The following PLEKHD1 variants were observed in gnomAD, a reference collection of about 807,000 sequenced individuals.
PLEKHD1 encodes the protein pleckstrin homology and coiled-coil domain containing D1.
PLEKHD1 carries 51 observed loss-of-function variants against 69.2 expected under a neutral mutation model. That is an observed-to-expected ratio of 0.74 (90% confidence interval 0.59 to 0.93). The LOEUF (loss-of-function observed/expected upper bound fraction) is 0.93, where lower values mean the gene tolerates loss of function less well. PLEKHD1 is among the 40% of genes least tolerant of loss of function. The pLI is 0.00. For missense variants in PLEKHD1, 584 were observed against 641.0 expected, an observed-to-expected ratio of 0.91 and a Z score of 0.96; for synonymous variants, 236 against 244.7, an observed-to-expected ratio of 0.96 and a Z score of 0.33.
chr14:69,492,079 G>A lies in PLEKHD1; in HGVS notation c.149+6965G>A, dbSNP rs138902127. ...GGAAGAAGTCCAGCGTCTTCACAAG[G>A]ACTACTCACTCTGCCCCGCTCTGTC... On this transcript the variant is annotated intron_variant, in intron 1 of 12. Transcript: ENST00000322564. Among the ~76,000 whole-genome samples the A allele has an allele frequency of 9.8e-3, 1,496 of 152,174 alleles. 15 individuals are homozygous for A. The highest frequency in any genetic ancestry group is 0.015 in the Non-Finnish European group (1,018 of 68,002).
chr14:69,485,898 G>GCGGACAT (rs1882645554), intron 1 of PLEKHD1, among the ~76,000 whole-genome samples: 1 of 152,190 alleles, frequency 6.6e-6, no homozygotes, highest in Non-Finnish European at 1.5e-5. Context: ...ACGCGACTCC[G>GCGGACAT]CGGACATCGG....
intron 6 of PLEKHD1, among the ~76,000 whole-genome samples, chr14:69,504,704 T>C (rs1035280392): frequency 6.6e-6 from 1 of 152,192 alleles, no homozygotes; most frequent in African/African-American, 2.4e-5. Flanking sequence ...ATTTCATTGA[T>C]TAAAGAGAAA....
chr14:69,496,017 C>T (rs187351168), intron 1 of PLEKHD1, among the ~76,000 whole-genome samples: 1 of 152,362 alleles, frequency 6.6e-6, no homozygotes. Context: ...GTGCTTGGCA[C>T]ACAGTGGCAA....
chr14:69,504,153 CAT>C (rs1224572813), intron 6 of PLEKHD1, among the ~76,000 whole-genome samples: 1 of 152,220 alleles, frequency 6.6e-6, no homozygotes, highest in Non-Finnish European at 1.5e-5. Flanking sequence ...GTGTTTGGCA[CAT>C]AGTACATGCT....
At chr14:69,496,126 A>C (rs1594976558) in intron 1 of PLEKHD1, among the ~76,000 whole-genome samples, 1 of 152,172 alleles carries the variant, frequency 6.6e-6, no homozygotes, top group African/African-American at 2.4e-5. Flanking sequence ...AGGCTTAGTA[A>C]GGCTGGGAGT....
intron 6 of PLEKHD1, among the ~76,000 whole-genome samples, chr14:69,505,444 G>T (rs1173165352): frequency 6.6e-6 from 1 of 152,190 alleles, no homozygotes; most frequent in Non-Finnish European, 1.5e-5. Context: ...TTGATGTAAT[G>T]GCCTAGTGAT....
At position 69,500,595 on chromosome 14, in the gene PLEKHD1, G is replaced by A. The variant is rs1594979323; in HGVS notation, c.262G>A (p.Gly88Ser). 1 of 1,550,782 alleles carries A rather than the reference G, an allele frequency of 6.4e-7. No individual in the cohort carries two copies. The highest frequency in any genetic ancestry group is 8.7e-7 in the Non-Finnish European group (1 of 1,146,572). Residue 88 changes from glycine to serine, a missense_variant, in exon 3 of 13, where the codon GGC (glycine) becomes AGC (serine). Transcript: ENST00000322564. ...TCCTCAGGGCGTCATCCCTCTGGGG[G>A]GCTGCCTGGTGGAGCCCAAGGAAGA... ...IHPKGVIPLG[G>S]CLVEPKEEPS...
intron 1 of PLEKHD1, among the ~76,000 whole-genome samples, chr14:69,491,829 G>T (rs116573290): frequency 0.013 from 1,981 of 152,246 alleles, 30 homozygotes; most frequent in African/African-American, 0.039. Context: ...ATATTGGATG[G>T]CACCTGTGCC....
At chr14:69,527,392 C>T (rs527885201) in intron 11 of PLEKHD1, 60 bp downstream of exon 11, 70 of 1,546,376 alleles carry the variant, frequency 4.5e-5, no homozygotes, top group African/African-American at 9.6e-5. Flanking sequence ...GATGGGATCC[C>T]GGCCCTGTAG....
At chr14:69,490,425 A>G (rs1882752754) in intron 1 of PLEKHD1, among the ~76,000 whole-genome samples, 1 of 152,192 alleles carries the variant, frequency 6.6e-6, no homozygotes, top group Non-Finnish European at 1.5e-5. Flanking sequence ...GAAGCTGTAA[A>G]AACAGATGAA....
intron 1 of PLEKHD1, among the ~76,000 whole-genome samples, chr14:69,492,300 A>G (rs1257041470): frequency 6.6e-6 from 1 of 152,154 alleles, no homozygotes; most frequent in African/African-American, 2.4e-5. Flanking sequence ...ACTCCTATTC[A>G]TTCTTCAAAG....
Position 69,528,486 on chromosome 14 carries a change from G to A in PLEKHD1, c.*67G>A. 1 of 1,501,688 alleles carries A rather than the reference G, an allele frequency of 6.7e-7. No homozygotes were observed. Among genetic ancestry groups the A allele is most frequent in the Non-Finnish European group, 8.9e-7 (1 of 1,121,382 alleles). 93.0% of individuals were successfully genotyped at this position (1,501,688 alleles called of 1,614,324 possible). ...CGGGGGAGGGGAAGGGGTGGCAGAGGGAGGCCTCACTCTACCAGCTCCTGG... is the reference window on the plus strand; with the variant it reads ...CGGGGGAGGGGAAGGGGTGGCAGAGAGAGGCCTCACTCTACCAGCTCCTGG... On this transcript the variant is annotated 3_prime_UTR_variant, in exon 13 of 13. Coordinates refer to ENST00000322564, the MANE Select transcript of PLEKHD1 (RefSeq NM_001161498.2).
At chr14:69,489,345 G>C (rs1163441880) in intron 1 of PLEKHD1, among the ~76,000 whole-genome samples, 1 of 152,112 alleles carries the variant, frequency 6.6e-6, no homozygotes, top group Non-Finnish European at 1.5e-5. Context: ...GATCACTTGA[G>C]GTCAGGAGTT....
intron 1 of PLEKHD1, among the ~76,000 whole-genome samples, chr14:69,496,298 G>A (rs533711997): frequency 6.6e-5 from 10 of 152,114 alleles, no homozygotes; most frequent in Non-Finnish European, 7.4e-5. Flanking sequence ...AAGGCATAAA[G>A]GTATTTATTT....
intron 4 of PLEKHD1, 185 bp downstream of exon 4, chr14:69,501,132 A>G: frequency 1.6e-6 from 1 of 626,072 alleles, no homozygotes; most frequent in South Asian, 1.9e-5. Context: ...CCCCTGAGTG[A>G]GCTTGAAAAG....
At chr14:69,477,561 A>T in the PLEKHD1 span, among the ~76,000 whole-genome samples, 1 of 152,240 alleles carries the variant, frequency 6.6e-6, no homozygotes, top group Non-Finnish European at 1.5e-5. Context: ...TAAAATCAAA[A>T]GCAGGTTAGT....
chr14:69,471,379 G>A, the PLEKHD1 span, among the ~76,000 whole-genome samples: 2 of 151,982 alleles, frequency 1.3e-5, no homozygotes, highest in African/African-American at 4.8e-5. Context: ...CCAAAGAGCT[G>A]GGATTACAGA....
At chr14:69,473,836 G>A in the PLEKHD1 span, among the ~76,000 whole-genome samples, 1 of 152,120 alleles carries the variant, frequency 6.6e-6, no homozygotes, top group South Asian at 2.1e-4. Flanking sequence ...TGCTCTTGAG[G>A]GCAGAATTTG....
At chr14:69,471,315 C>G in the PLEKHD1 span, among the ~76,000 whole-genome samples, 1 of 151,596 alleles carries the variant, frequency 6.6e-6, no homozygotes, top group Non-Finnish European at 1.5e-5. Context: ...CTCCCTATGT[C>G]GCCTAGGCTG....
Sources: gnomAD v4.1 joint callset for allele counts (sites outside exome capture counted in the v4.1 genomes callset) on GRCh38, gnomAD v4.1.1 for gene constraint, MANE v1.5 for transcripts, NCBI Gene and HGNC (gene_info 2026-07-23, HGNC 2026-07-21) for gene names.